Variants in ADK observed in about 807,000 individuals in gnomAD.
The protein encoded by ADK is N6,N6-dimethyladenosine kinase.
Under a neutral mutation model 44.7 loss-of-function variants are expected in ADK, and 24 were observed. The ratio of observed to expected loss-of-function variants is 0.54; its 90% confidence interval spans 0.39 to 0.76. ADK has a LOEUF of 0.76. Ranked by LOEUF, ADK falls within the 30% of genes least tolerant of loss-of-function variation. The pLI is 0.00. For synonymous variants in ADK, 128 were observed against 142.6 expected, an observed-to-expected ratio of 0.90 and a Z score of 0.73; for missense variants, 321 against 425.1, an observed-to-expected ratio of 0.76 and a Z score of 2.15.
rs528097565 is a variant in ADK at position 74,629,041 on chromosome 10, C to CT, written c.877+28558dup. On this transcript the variant is annotated intron_variant, in intron 9 of 10. Coordinates refer to ENST00000539909, the MANE Select transcript of ADK (RefSeq NM_006721.4). The stretch of plus-strand genomic sequence containing the variant: ...GTCAGAAATAATTCTGCACCCTACT[C>CT]TTTTTTTTTTAAGTTAAAGAGACTG... 3.0e-3 allele frequency among the ~76,000 whole-genome samples: 445 copies of CT among 148,956 alleles called. 1 individual carries two copies. The highest frequency in any genetic ancestry group is 9.5e-3 in the African/African-American group (387 of 40,722).
At chr10:74,614,241 A>G (rs1464478012) in intron 9 of ADK, among the ~76,000 whole-genome samples, 2 of 152,140 alleles carry the variant, frequency 1.3e-5, no homozygotes, top group Non-Finnish European at 2.9e-5. Context: ...GGATCCTGCT[A>G]GAAGGCAAAA....
chr10:74,705,252 A>G (rs1226395547), intron 10 of ADK, among the ~76,000 whole-genome samples: 2 of 146,874 alleles, frequency 1.4e-5, no homozygotes, highest in Non-Finnish European at 3.0e-5. Flanking sequence ...GTTTCTCATT[A>G]TTATCTGCTC....
At chr10:74,386,396 A>G (rs886806983) in intron 4 of ADK, among the ~76,000 whole-genome samples, 23 of 152,214 alleles carry the variant, frequency 1.5e-4, no homozygotes, top group Non-Finnish European at 7.3e-5. Context: ...CATCATTGTC[A>G]GTTATATTGT....
At chr10:74,363,046 G>A (rs1002964987) in intron 4 of ADK, among the ~76,000 whole-genome samples, 3 of 152,226 alleles carry the variant, frequency 2.0e-5, no homozygotes, top group Non-Finnish European at 2.9e-5. Context: ...GTGGAAAGGA[G>A]GCTGATTGGC....
intron 4 of ADK, among the ~76,000 whole-genome samples, chr10:74,370,970 A>T (rs1484666742): frequency 6.6e-6 from 1 of 152,180 alleles, no homozygotes; most frequent in Admixed American, 6.5e-5. Context: ...AGATGTATTT[A>T]TACTGTTAGT....
chr10:74,663,981 A>G (rs946185), intron 9 of ADK, among the ~76,000 whole-genome samples: 92,220 of 151,998 alleles, frequency 0.61, 28,130 homozygotes, highest in East Asian at 0.71. Context: ...TGCTGTTAGT[A>G]TAACAATTTA....
intron 6 of ADK, among the ~76,000 whole-genome samples, chr10:74,416,471 G>A (rs1844377615): frequency 6.6e-6 from 1 of 151,868 alleles, no homozygotes; most frequent in Non-Finnish European, 1.5e-5. Context: ...AGTTGAAGAC[G>A]TTCTGAAAGA....
intron 7 of ADK, among the ~76,000 whole-genome samples, chr10:74,530,293 C>T (rs1315528871): frequency 1.3e-5 from 2 of 152,016 alleles, no homozygotes; most frequent in African/African-American, 4.8e-5. Context: ...ATATAGTTAT[C>T]AGAGAATATA....
At chr10:74,328,813 C>T (rs1841109822) in intron 4 of ADK, among the ~76,000 whole-genome samples, 1 of 151,972 alleles carries the variant, frequency 6.6e-6, no homozygotes, top group South Asian at 2.1e-4. Flanking sequence ...ATAAATTACT[C>T]AGTCTTGGAT....
At chr10:74,617,150 C>T (rs1020316170) in intron 9 of ADK, among the ~76,000 whole-genome samples, 1 of 152,118 alleles carries the variant, frequency 6.6e-6, no homozygotes, top group Non-Finnish European at 1.5e-5. Flanking sequence ...TTTTCCAATT[C>T]TCATACAGTA....
chr10:74,208,625 T>TA (rs1413753610), intron 2 of ADK, among the ~76,000 whole-genome samples: 2 of 152,172 alleles, frequency 1.3e-5, no homozygotes, highest in Non-Finnish European at 2.9e-5. Context: ...CAAATATATT[T>TA]AAAAACTTAC....
chr10:74,162,123 C>T (rs377681157), intron 1 of ADK, among the ~76,000 whole-genome samples: 2 of 152,072 alleles, frequency 1.3e-5, no homozygotes, highest in East Asian at 1.9e-4. Flanking sequence ...TGGTTTCAAG[C>T]GATTCTCCTG....
rs561715934 is a variant in ADK, at chr10:74,498,221, G to A, written c.556-27035G>A. Reference sequence around the variant, plus strand: ...ACCTCTTTGAAAAAGTGTTACATTAGCAAATTTTGTTTTGTTATAGAATAG... The same window carrying A: ...ACCTCTTTGAAAAAGTGTTACATTAACAAATTTTGTTTTGTTATAGAATAG... On this transcript the variant is annotated intron_variant, in intron 6 of 10. Coordinates refer to ENST00000539909, the MANE Select transcript of ADK (RefSeq NM_006721.4). Among the ~76,000 whole-genome samples the A allele has an allele frequency of 2.4e-4, 36 of 152,222 alleles. No homozygotes were observed. In the South Asian group the frequency reaches 7.5e-3, roughly 32 times the overall value.
intron 1 of ADK, among the ~76,000 whole-genome samples, chr10:74,164,847 G>A (rs7894143): frequency 6.6e-6 from 1 of 152,014 alleles, no homozygotes; most frequent in East Asian, 1.9e-4. Flanking sequence ...CAATAAACTC[G>A]ATTCCTGAGA....
chr10:74,211,463 T>TA (rs1843809122), intron 2 of ADK, among the ~76,000 whole-genome samples: 2 of 152,220 alleles, frequency 1.3e-5, no homozygotes, highest in Admixed American at 6.5e-5. Flanking sequence ...CTGATTTTTT[T>TA]AAAAAACGTA....
chr10:74,634,179 A>G (rs1211839224), intron 9 of ADK, among the ~76,000 whole-genome samples: 1 of 152,200 alleles, frequency 6.6e-6, no homozygotes, highest in African/African-American at 2.4e-5. Context: ...ACATTTGAGT[A>G]GACTGTACAA....
At chr10:74,278,727 T>C (rs1334532883) in intron 3 of ADK, among the ~76,000 whole-genome samples, 1 of 152,172 alleles carries the variant, frequency 6.6e-6, no homozygotes, top group African/African-American at 2.4e-5. Context: ...AGTGACTGTT[T>C]ATAGGCATGA....
intron 6 of ADK, among the ~76,000 whole-genome samples, chr10:74,510,359 T>C (rs1304335446): frequency 1.3e-5 from 2 of 152,246 alleles, no homozygotes; most frequent in African/African-American, 4.8e-5. Context: ...TTTGTATCTC[T>C]TTTGAGAAAT....
At chr10:74,388,869 A>G (rs1843243861) in intron 4 of ADK, among the ~76,000 whole-genome samples, 2 of 152,056 alleles carry the variant, frequency 1.3e-5, no homozygotes, top group African/African-American at 2.4e-5. Context: ...CTTTTTCACA[A>G]TTTCTAGTCT....
Sources: allele counts gnomAD v4.1 joint callset (sites outside exome capture counted in the v4.1 genomes callset), GRCh38; gene constraint gnomAD v4.1.1; transcripts MANE v1.5; gene names NCBI Gene and HGNC (gene_info 2026-07-23, HGNC 2026-07-21).